Variants in PCDHGB5 observed in about 807,000 individuals in gnomAD.
PCDHGB5 encodes the protein protocadherin gamma-B5.
In PCDHGB5, 48 loss-of-function variants were observed where a neutral mutation model predicts 62.9. The ratio of observed to expected loss-of-function variants is 0.76; its 90% confidence interval spans 0.61 to 0.97. The LOEUF is 0.97. Among genes scored for constraint, PCDHGB5 ranks in the 50% least tolerant of loss-of-function variants. PCDHGB5 has a pLI of 0.00. For synonymous variants in PCDHGB5, 474 were observed against 511.2 expected, an observed-to-expected ratio of 0.93 and a Z score of 0.98; for missense variants, 1,118 against 1,198.6, an observed-to-expected ratio of 0.93 and a Z score of 0.99.
chr5:141,475,731 C>T (rs991175739), intron 1 of PCDHGB5, among the ~76,000 whole-genome samples: 1 of 152,248 alleles, frequency 6.6e-6, no homozygotes, highest in African/African-American at 2.4e-5. Context: ...GGCTGGCTTT[C>T]CCTAAGGTAG....
In PCDHGB5 at chr5:141,422,647, T is replaced by G. The variant is rs773990745; in HGVS notation, c.2397+22123T>G. 2.5e-6 allele frequency: 4 copies of G among 1,611,858 alleles called. No individual in the cohort carries two copies. In the South Asian group the frequency reaches 4.4e-5, roughly 18 times the overall value. On this transcript the variant is annotated intron_variant, in intron 1 of 3. Transcript: ENST00000617380. ...CAACCCCAGGGGTGCCTCCATCTTC[T>G]CAGTGACCGCCCTCGACCCGGACAG...
chr5:141,450,733 C>T (rs886761152), intron 1 of PCDHGB5, among the ~76,000 whole-genome samples: 24 of 152,198 alleles, frequency 1.6e-4, no homozygotes, highest in African/African-American at 5.3e-4. Context: ...GTGATCCGCC[C>T]GCCTTGGCCT....
chr5:141,414,463 G>T, intron 1 of PCDHGB5: 1 of 1,613,932 alleles, frequency 6.2e-7, no homozygotes. Flanking sequence ...GACAGCCACA[G>T]ATGGGGGAAG....
Position 141,431,021 on chromosome 5 carries a change from G to A in PCDHGB5, c.2397+30497G>A. On this transcript the variant is annotated intron_variant, in intron 1 of 3. Coordinates refer to ENST00000617380, the MANE Select transcript of PCDHGB5 (RefSeq NM_018925.3). This position sits in a 1 kb window ranked among gnomAD's most constrained non-coding sequence, Gnocchi z 4.8. ...GCGCAGCGGCAGCTTGGTCACGGCG[G>A]GCAGGATAGACCGGGAGGAGCTCTG... is the stretch of plus-strand genomic sequence containing the variant. 1 of 1,613,940 alleles carries A rather than the reference G, an allele frequency of 6.2e-7. No individual in the cohort carries two copies. Among genetic ancestry groups the A allele is most frequent in the Non-Finnish European group, 8.5e-7 (1 of 1,179,936 alleles).
chr5:141,489,260 CACA>C lies in PCDHGB5; in HGVS notation c.2398-5546_2398-5544del, dbSNP rs1242559724. 1 of 1,552,022 alleles carries C rather than the reference CACA, an allele frequency of 6.4e-7. No individual in the cohort carries two copies. Among genetic ancestry groups the C allele is most frequent in the Non-Finnish European group, 8.7e-7 (1 of 1,149,038 alleles). ...TGGGTCATGGGGCCCAAGACACTCCCACAGCTCGCTGGGAAATGGCAAGTGCTG... is the reference window on the plus strand; with the variant it reads ...TGGGTCATGGGGCCCAAGACACTCCCGCTCGCTGGGAAATGGCAAGTGCTG... On this transcript the variant is annotated intron_variant, in intron 1 of 3. Coordinates refer to ENST00000617380, the MANE Select transcript of PCDHGB5 (RefSeq NM_018925.3). The surrounding 1 kb of genome is among the most constrained non-coding windows in gnomAD (Gnocchi z 4.5).
chr5:141,413,218 A>C, intron 1 of PCDHGB5: 1 of 1,613,610 alleles, frequency 6.2e-7, no homozygotes, highest in Non-Finnish European at 8.5e-7. Context: ...AAAGGATTGC[A>C]GCGGGCTGGT....
At chr5:141,502,575 A>G (rs1314648955) in intron 2 of PCDHGB5, among the ~76,000 whole-genome samples, 2 of 152,208 alleles carry the variant, frequency 1.3e-5, no homozygotes, top group Admixed American at 1.3e-4. Context: ...CATTATAAAA[A>G]TATATTTTTA....
intron 1 of PCDHGB5, chr5:141,403,051 C>T (rs1273209859): frequency 3.7e-6 from 6 of 1,614,086 alleles, no homozygotes; most frequent in Admixed American, 1.7e-5. Context: ...AGATTCGCTA[C>T]TCAGTGCCTG....
chr5:141,422,691 C>A, intron 1 of PCDHGB5: 1 of 1,603,878 alleles, frequency 6.2e-7, no homozygotes, highest in Non-Finnish European at 8.5e-7. Flanking sequence ...ATGCCCTGGT[C>A]ACTTACTCTC....
intron 1 of PCDHGB5, among the ~76,000 whole-genome samples, chr5:141,407,629 G>A (rs1025838649): frequency 1.3e-5 from 2 of 151,940 alleles, no homozygotes; most frequent in African/African-American, 4.8e-5. Context: ...TCTATATCTC[G>A]TATTACTTAA....
intron 1 of PCDHGB5, chr5:141,430,780 C>T: frequency 6.6e-7 from 1 of 1,511,476 alleles, no homozygotes; most frequent in Non-Finnish European, 8.8e-7. Flanking sequence ...CGCGACTGCA[C>T]CGGGACTACA....
chr5:141,427,199 A>G (rs900332017), intron 1 of PCDHGB5: 5 of 456,766 alleles, frequency 1.1e-5, no homozygotes, highest in Non-Finnish European at 2.2e-5. Context: ...AAGACTTAAT[A>G]GACTTCGAAT....
chr5:141,434,449 G>C (rs1392115883), intron 1 of PCDHGB5, among the ~76,000 whole-genome samples: 1 of 152,232 alleles, frequency 6.6e-6, no homozygotes, highest in Non-Finnish European at 1.5e-5. Context: ...ATGCTGGAAG[G>C]TAGTGGGTTT....
At chr5:141,498,967 GGGAGGGAAGGAA>G (rs1374222518) in intron 2 of PCDHGB5, among the ~76,000 whole-genome samples, 13 of 129,674 alleles carry the variant, frequency 1.0e-4, no homozygotes, top group South Asian at 5.5e-4. Context: ...GAGGGAGGGA[GGGAGGGAAGGAA>G]GGAAGGAAGG....
intron 1 of PCDHGB5, chr5:141,419,724 G>A (rs200134846): frequency 1.9e-4 from 301 of 1,613,488 alleles, no homozygotes; most frequent in South Asian, 1.2e-3. Context: ...CTGGGGCTGC[G>A]AACAGGCGAG....
intron 1 of PCDHGB5, among the ~76,000 whole-genome samples, chr5:141,425,068 A>G (rs1484760901): frequency 6.6e-6 from 1 of 152,174 alleles, no homozygotes; most frequent in African/African-American, 2.4e-5. Context: ...GGACAAAAAT[A>G]ATTTCAACTG....
At chr5:141,426,021 A>G (rs1590662256) in intron 1 of PCDHGB5, among the ~76,000 whole-genome samples, 2 of 152,312 alleles carry the variant, frequency 1.3e-5, no homozygotes, top group East Asian at 3.9e-4. Context: ...AGTTTTCTAA[A>G]TAGACTCAGA....
chr5:141,460,924 A>ATG (rs1333352687), intron 1 of PCDHGB5, among the ~76,000 whole-genome samples: 26 of 150,590 alleles, frequency 1.7e-4, no homozygotes, highest in South Asian at 6.3e-4. Flanking sequence ...ATATATATAT[A>ATG]TGTGTGTGTG....
rs751874380 is a variant in PCDHGB5 at position 141,486,055 on chromosome 5, C to A, written c.2398-8752C>A. ...CTGATCGTGTAAGAAACCTCTTTAG[C>A]CTGCACCCCACTACTGGAAAGCTTA... On this transcript the variant is annotated intron_variant, in intron 1 of 3. Transcript: ENST00000617380. The surrounding 1 kb of genome is among the most constrained non-coding windows in gnomAD (Gnocchi z 5.0). The A allele has an allele frequency of 6.2e-7, 1 of 1,614,170 alleles. No individual in the cohort carries two copies. Among genetic ancestry groups the A allele is most frequent in the South Asian group, 1.1e-5 (1 of 91,072 alleles).
Sources: gnomAD v4.1 joint callset for allele counts (sites outside exome capture counted in the v4.1 genomes callset) on GRCh38, gnomAD v4.1.1 for gene constraint, Gnocchi (gnomAD v3.1) non-coding constraint, MANE v1.5 for transcripts, NCBI Gene and HGNC (gene_info 2026-07-23, HGNC 2026-07-21) for gene names.